AKAP12: variants seen among roughly 807,000 people sequenced by gnomAD.
AKAP12 encodes A-kinase anchoring protein 12.
A neutral mutation model predicts 79.9 loss-of-function variants in AKAP12; 32 were observed. The observed-to-expected ratio is 0.40, with a 90% CI of 0.30 to 0.54. AKAP12 has a LOEUF of 0.54. Ranked by LOEUF, AKAP12 falls within the 20% of genes least tolerant of loss-of-function variation. AKAP12 has a pLI of 0.48. For missense variants in AKAP12, 2,074 were observed against 2,177.0 expected (o/e 0.95, Z 0.94); for synonymous variants, 808 against 857.0 (o/e 0.94, Z 1.00).
intron 3 of AKAP12, among the ~76,000 whole-genome samples, chr6:151,328,144 G>A (rs1490082681): frequency 1.3e-5 from 2 of 151,398 alleles, no homozygotes; most frequent in Non-Finnish European, 2.9e-5. Context: ...TGGCTAACAC[G>A]GTGAAACCCC....
intron 4 of AKAP12, among the ~76,000 whole-genome samples, chr6:151,354,464 C>T (rs985034385): frequency 4.6e-5 from 7 of 151,876 alleles, no homozygotes; most frequent in Non-Finnish European, 8.8e-5. Flanking sequence ...AGCTCCGCCT[C>T]CCAGGTTCAC....
chr6:151,322,221 CTTTTT>C (rs1777415833), intron 3 of AKAP12, among the ~76,000 whole-genome samples: 1 of 151,870 alleles, frequency 6.6e-6, no homozygotes, highest in Admixed American at 6.6e-5. Context: ...TGTCTTTTTT[CTTTTT>C]TATTATAGTC....
At chr6:151,278,628 T>A (rs1365613233) in intron 2 of AKAP12, among the ~76,000 whole-genome samples, 2 of 152,118 alleles carry the variant, frequency 1.3e-5, no homozygotes, top group Admixed American at 6.5e-5. Flanking sequence ...ACTTTCTCTC[T>A]GAGATGATGT....
At chr6:151,323,319 G>A (rs1044416587) in intron 3 of AKAP12, among the ~76,000 whole-genome samples, 3 of 152,208 alleles carry the variant, frequency 2.0e-5, no homozygotes, top group Non-Finnish European at 2.9e-5. Context: ...GGGAGGCCGA[G>A]GCGGGTGGAT....
chr6:151,304,014 G>A (rs1776920978), intron 2 of AKAP12, among the ~76,000 whole-genome samples: 1 of 152,180 alleles, frequency 6.6e-6, no homozygotes, highest in Admixed American at 6.5e-5. Context: ...ATTGCTTTGA[G>A]TCCCGGTGTC....
intron 3 of AKAP12, among the ~76,000 whole-genome samples, chr6:151,339,271 A>G (rs1777889575): frequency 6.6e-6 from 1 of 152,252 alleles, no homozygotes; most frequent in Non-Finnish European, 1.5e-5. Context: ...TTAAAAGTGT[A>G]TGAAATTGAC....
At position 151,350,522 on chromosome 6, in the gene AKAP12, C is replaced by T; in HGVS notation, c.2131C>T (p.His711Tyr). The T allele has an allele frequency of 6.2e-7, 1 of 1,613,982 alleles. No homozygotes were observed. The highest frequency in any genetic ancestry group is 1.1e-5 in the South Asian group (1 of 91,066). ...GGGACCAAAAGCAATGGGAGGAGAC[C>T]ACCAGAAAGCTGATGAGGCCGGAAA... ...EGGPKAMGGDHQKADEAGKDK... is the reference protein window; with the variant it reads ...EGGPKAMGGDYQKADEAGKDK... The change falls in exon 4 of 5, where the codon CAC (histidine) becomes TAC (tyrosine). Residue 711 changes from histidine to tyrosine, a missense_variant. His to Tyr is a moderately conservative substitution (Grantham distance 83). Transcript: ENST00000402676. The surrounding 1 kb of genome is among the most constrained non-coding windows in gnomAD (Gnocchi z 4.8).
At chr6:151,247,768 A>T (rs1273363217) in intron 2 of AKAP12, among the ~76,000 whole-genome samples, 1 of 152,222 alleles carries the variant, frequency 6.6e-6, no homozygotes, top group African/African-American at 2.4e-5. Context: ...TCCCGTTCTC[A>T]CGGCAAACAG....
At chr6:151,293,804 T>G (rs1457905797) in intron 2 of AKAP12, among the ~76,000 whole-genome samples, 1 of 152,184 alleles carries the variant, frequency 6.6e-6, no homozygotes, top group Non-Finnish European at 1.5e-5. Context: ...GATTACATAT[T>G]CTTCTCCCCT....
intron 3 of AKAP12, chr6:151,348,368 A>G (rs1562751469): frequency 2.1e-6 from 1 of 478,322 alleles, no homozygotes; most frequent in South Asian, 1.5e-5. Flanking sequence ...GCTAGGCACT[A>G]TAGCTCACAC....
At chr6:151,340,235 GTT>G (rs35700566) in intron 3 of AKAP12, among the ~76,000 whole-genome samples, 15 of 133,612 alleles carry the variant, frequency 1.1e-4, no homozygotes, top group Admixed American at 7.5e-5. Context: ...CCCAGCGGTG[GTT>G]TTTTTTTTTT....
rs542162298 is a variant in AKAP12, at chr6:151,298,353, C to G, written c.163-7394C>G. 2.0e-5 allele frequency among the ~76,000 whole-genome samples: 3 copies of G among 152,086 alleles called. No homozygotes were observed. The East Asian group carries it at 5.8e-4, about 29-fold the overall frequency. On this transcript the variant is annotated intron_variant, in intron 2 of 4. Transcript: ENST00000402676. ...CCAGAGCTTTCATTTTAGAGAAGAA[C>G]GCAGGCATGGAACAAGTAATTCCCA...
intron 2 of AKAP12, among the ~76,000 whole-genome samples, chr6:151,244,789 C>T (rs6921399): frequency 0.37 from 56,690 of 152,034 alleles, 10,894 homozygotes; most frequent in Admixed American, 0.42. Flanking sequence ...ATAAGAGCTG[C>T]TAATTTCTGA....
In AKAP12 at chr6:151,350,450, T is replaced by A. The variant is rs368390942; in HGVS notation, c.2059T>A (p.Ser687Thr). Residue 687 changes from serine to threonine, a missense_variant, in exon 4 of 5, where the codon TCA becomes ACA. Physicochemically the swap from Ser to Thr is moderately conservative, Grantham distance 58. Around this residue, in one of 3 missense-constraint regions of AKAP12, gnomAD observed 1,428 missense variants for 1,451.0 expected, o/e 0.98. Transcript: ENST00000402676. The surrounding 1 kb of genome is among the most constrained non-coding windows in gnomAD (Gnocchi z 4.8). ...VSWEALICVG[S>T]SKKRARRGSS... The stretch of plus-strand genomic sequence containing the variant: ...TTGGGAAGCTTTAATTTGTGTGGGA[T>A]CATCCAAGAAAAGAGCAAGGAGAGG... The A allele has an allele frequency of 1.9e-6, 3 of 1,613,666 alleles. No homozygotes were observed. The African/African-American group carries it at 4.0e-5, about 22-fold the overall frequency.
intron 3 of AKAP12, among the ~76,000 whole-genome samples, chr6:151,333,687 C>T (rs1777739430): frequency 6.7e-6 from 1 of 148,380 alleles, no homozygotes; most frequent in Admixed American, 6.8e-5. Context: ...AGGCTGCAGT[C>T]GAGATCGCAC....
chr6:151,257,448 C>T (rs1483952077), intron 2 of AKAP12, among the ~76,000 whole-genome samples: 1 of 152,116 alleles, frequency 6.6e-6, no homozygotes, highest in African/African-American at 2.4e-5. Context: ...AGTTGTGCAC[C>T]ACCACGCCTG....
At position 151,353,421 on chromosome 6, in the gene AKAP12, A is replaced by C; in HGVS notation, c.5030A>C (p.Glu1677Ala). 1 of 1,614,210 alleles carries C rather than the reference A, an allele frequency of 6.2e-7. No individual in the cohort carries two copies. The highest frequency in any genetic ancestry group is 8.5e-7 in the Non-Finnish European group (1 of 1,180,034). Residue 1677 changes from glutamate (E) to alanine (A), a missense_variant, in exon 4 of 5, where the codon GAA becomes GCA. Transcript: ENST00000402676. ...GGAGCTGGAACAAAGTCTGTGCCAG[A>C]AGATGATGGTCATGCCTTGTTAGCA... ...GGGAGTKSVPEDDGHALLAER... is the reference protein window; with the variant it reads ...GGGAGTKSVPADDGHALLAER...
intron 2 of AKAP12, among the ~76,000 whole-genome samples, chr6:151,257,416 C>T (rs1486138794): frequency 6.6e-6 from 1 of 152,218 alleles, no homozygotes; most frequent in African/African-American, 2.4e-5. Flanking sequence ...CCTGCCTCAG[C>T]CTCCTGAGTA....
chr6:151,345,528 C>T (rs1373390987), intron 3 of AKAP12, among the ~76,000 whole-genome samples: 2 of 151,450 alleles, frequency 1.3e-5, no homozygotes, highest in African/African-American at 2.4e-5. Context: ...GGGGCAGTGG[C>T]TCACACCTGT....
Sources: gnomAD v4.1 joint callset for allele counts (sites outside exome capture counted in the v4.1 genomes callset) on GRCh38, gnomAD v4.1.1 for gene constraint, gnomAD v4.1.1 regional missense constraint, Gnocchi (gnomAD v3.1) non-coding constraint, MANE v1.5 for transcripts, NCBI Gene and HGNC (gene_info 2026-07-23, HGNC 2026-07-21) for gene names.